The following RECK variants were observed in gnomAD, a reference collection of about 807,000 sequenced individuals.
RECK encodes the protein reversion inducing cysteine rich protein with kazal motifs.
A neutral mutation model predicts 115.1 loss-of-function variants in RECK; 69 were observed. The ratio of observed to expected loss-of-function variants is 0.60; its 90% CI spans 0.49 to 0.73. The LOEUF is 0.73. Among genes scored for constraint, RECK ranks in the 30% least tolerant of loss-of-function variants. RECK has a pLI of 0.00. For missense variants in RECK, 1,047 were observed against 1,203.7 expected (o/e 0.87, Z 1.93); for synonymous variants, 414 against 419.7 (o/e 0.99, Z 0.17).
chr9:36,064,065 T>C (rs1284171673), intron 5 of RECK, among the ~76,000 whole-genome samples, 185 bp downstream of exon 5: 1 of 152,250 alleles, frequency 6.6e-6, no homozygotes, highest in Admixed American at 6.5e-5. Context: ...GGCTGCTGCA[T>C]ATGGCCTCAG....
chr9:36,122,608 A>C (rs1196708830), intron 20 of RECK, among the ~76,000 whole-genome samples: 1 of 152,112 alleles, frequency 6.6e-6, no homozygotes. Context: ...ATGGCCAATT[A>C]TTTCTTTTCT....
rs1820683911 is a variant in RECK, at chr9:36,036,967, A to G, written c.-32A>G. On this transcript the variant is annotated 5_prime_UTR_variant, in exon 1 of 21. Coordinates refer to ENST00000377966, the MANE Select transcript of RECK (RefSeq NM_021111.3). ...GGCTGCGGCCAAGCTGGGTCCGAGCATCCCGCGGCTCTGGAGCCGCCCGGC... is the reference window on the plus strand; with the variant it reads ...GGCTGCGGCCAAGCTGGGTCCGAGCGTCCCGCGGCTCTGGAGCCGCCCGGC... 1.5e-6 allele frequency: 2 copies of G among 1,373,612 alleles called. No individual in the cohort carries two copies. Among genetic ancestry groups the G allele is most frequent in the Admixed American group, 2.9e-5 (1 of 33,988 alleles). 85.1% of individuals were successfully genotyped at this position (1,373,612 alleles called of 1,614,324 possible).
intron 8 of RECK, among the ~76,000 whole-genome samples, chr9:36,083,910 CTT>C (rs1436152178): frequency 2.0e-5 from 3 of 152,056 alleles, no homozygotes; most frequent in Non-Finnish European, 4.4e-5. Flanking sequence ...CATAAGAAAA[CTT>C]ATATAAATTT....
intron 2 of RECK, among the ~76,000 whole-genome samples, chr9:36,053,153 C>A (rs1330113455): frequency 6.6e-6 from 1 of 152,098 alleles, no homozygotes; most frequent in Admixed American, 6.5e-5. Flanking sequence ...TTGATGAAGA[C>A]CATGTAGGTA....
At position 36,104,575 on chromosome 9, in the gene RECK, T is replaced by A. The variant is rs1587075068; in HGVS notation, c.1436-568T>A. On this transcript the variant is annotated intron_variant, in intron 12 of 20. Coordinates refer to ENST00000377966, the MANE Select transcript of RECK (RefSeq NM_021111.3). ...CCCAAGCTGGAGTGCAGTGATGTGATCTCGGCCCACTGCAACATCTGCCTC... is the reference window on the plus strand; with the variant it reads ...CCCAAGCTGGAGTGCAGTGATGTGAACTCGGCCCACTGCAACATCTGCCTC... 4.0e-5 allele frequency among the ~76,000 whole-genome samples: 6 copies of A among 150,976 alleles called. No individual in the cohort carries two copies. The South Asian group carries it at 1.3e-3, about 32-fold the overall frequency.
At chr9:36,050,955 A>G (rs1359260034) in intron 1 of RECK, among the ~76,000 whole-genome samples, 1 of 151,982 alleles carries the variant, frequency 6.6e-6, no homozygotes, top group East Asian at 1.9e-4. Flanking sequence ...TTGTTTTATT[A>G]TTGCCATAAC....
At chr9:36,043,010 C>CT (rs61673918) in intron 1 of RECK, among the ~76,000 whole-genome samples, 3,248 of 59,248 alleles carry the variant, frequency 0.055, 999 homozygotes, top group South Asian at 0.065. Context: ...CCTTAGCCCA[C>CT]TTTTTTTTTT....
At chr9:36,048,524 A>C (rs1333480429) in intron 1 of RECK, among the ~76,000 whole-genome samples, 1 of 151,842 alleles carries the variant, frequency 6.6e-6, no homozygotes, top group Non-Finnish European at 1.5e-5. Flanking sequence ...TATAATTTCA[A>C]CTCAAGCCCC....
At position 36,112,437 on chromosome 9, in the gene RECK, AG is replaced by A; in HGVS notation, c.2023del (p.Asp675IlefsTer22). On this transcript the variant is annotated frameshift_variant, in exon 16 of 21. Coordinates refer to ENST00000377966, the MANE Select transcript of RECK (RefSeq NM_021111.3). LOFTEE classifies it high-confidence loss of function. ...TTTGAGTTTGGATCATGCATGTCAA[AG>A]GATCCATGTAATCCTAATCCCTGCC... ...HQFEFGSCMS[K>X]DPCNPNPCQK... 1.9e-6 allele frequency: 3 copies of A among 1,614,116 alleles called. No individual in the cohort carries two copies. Among genetic ancestry groups the A allele is most frequent in the Non-Finnish European group, 2.5e-6 (3 of 1,180,030 alleles).
chr9:36,118,638 C>T (rs1052167775), intron 17 of RECK, 119 bp from the exon 18 acceptor site: 1 of 965,574 alleles, frequency 1.0e-6, no homozygotes. Context: ...AAGAGGTCCT[C>T]ATAATTTATA....
chr9:36,076,259 A>G (rs1822448513), intron 6 of RECK, among the ~76,000 whole-genome samples: 1 of 152,226 alleles, frequency 6.6e-6, no homozygotes, highest in Non-Finnish European at 1.5e-5. Context: ...ATGTTTGTTC[A>G]TAGATTAATC....
chr9:36,045,116 A>G (rs1398758305), intron 1 of RECK, among the ~76,000 whole-genome samples: 1 of 152,232 alleles, frequency 6.6e-6, no homozygotes, highest in Non-Finnish European at 1.5e-5. Flanking sequence ...ACATACAGAT[A>G]GATATGGCAG....
At chr9:36,082,152 T>TTC (rs71508008) in intron 7 of RECK, among the ~76,000 whole-genome samples, 9,155 of 113,618 alleles carry the variant, frequency 0.081, 414 homozygotes, top group Middle Eastern at 0.099. Context: ...CCTCCCTGCT[T>TTC]TCTCTCTCTC....
At chr9:36,106,331 C>G (rs1366464454) in intron 13 of RECK, among the ~76,000 whole-genome samples, 1 of 150,774 alleles carries the variant, frequency 6.6e-6, no homozygotes, top group Non-Finnish European at 1.5e-5. Context: ...ACCTCCTGGG[C>G]TCAAGCAATT....
chr9:36,115,735 A>G lies in RECK; in HGVS notation c.2061-1250A>G, dbSNP rs555478601. ...AGTGATTTTGGTGCAGGTTAGCCCT[A>G]AAAAGAGTATAAATCATTTCCTTTG... On this transcript the variant is annotated intron_variant, in intron 16 of 20. Transcript: ENST00000377966. 2.0e-5 allele frequency among the ~76,000 whole-genome samples: 3 copies of G among 152,350 alleles called. No homozygotes were observed. The South Asian group carries it at 6.2e-4, about 32-fold the overall frequency.
intron 9 of RECK, among the ~76,000 whole-genome samples, chr9:36,088,311 C>T (rs1482485032): frequency 2.0e-5 from 3 of 152,140 alleles, no homozygotes; most frequent in Non-Finnish European, 4.4e-5. Flanking sequence ...GGGACATTCT[C>T]TTTATTAAAT....
intron 15 of RECK, 51 bp from the exon 16 acceptor site, chr9:36,112,254 G>A (rs369131382): frequency 5.8e-5 from 91 of 1,566,346 alleles, no homozygotes; most frequent in Non-Finnish European, 7.1e-5. Context: ...GAAATATAAG[G>A]GGAGGGGGAA....
chr9:36,055,937 T>C (rs546850812), intron 2 of RECK, among the ~76,000 whole-genome samples: 1 of 152,178 alleles, frequency 6.6e-6, no homozygotes, highest in Admixed American at 6.5e-5. Context: ...TTTTTCTTCC[T>C]CTTTCTCTTT....
At chr9:36,065,552 A>T in intron 5 of RECK, 25 bp from the exon 6 acceptor site, 1 of 1,567,088 alleles carries the variant, frequency 6.4e-7, no homozygotes, top group Non-Finnish European at 8.6e-7. Flanking sequence ...ATAATAAATT[A>T]ATGGAGAAAT....
Sources: allele counts gnomAD v4.1 joint callset (sites outside exome capture counted in the v4.1 genomes callset), GRCh38; gene constraint gnomAD v4.1.1; transcripts MANE v1.5; gene names NCBI Gene and HGNC (gene_info 2026-07-23, HGNC 2026-07-21).